Variants in DLGAP2 observed in about 807,000 individuals in gnomAD.
DLGAP2 encodes the protein DLG associated protein 2, also known as disks large-associated protein 2.
Under a neutral mutation model 100.3 loss-of-function variants are expected in DLGAP2, and 26 were observed. That is an observed-to-expected ratio of 0.26 (90% CI 0.19 to 0.36). DLGAP2 has a LOEUF of 0.36. DLGAP2 is among the 10% of genes least tolerant of loss of function. The pLI is 1.00. For missense variants in DLGAP2, 1,858 were observed against 1,453.2 expected (o/e 1.28, Z -4.53); for synonymous variants, 886 against 630.1 (o/e 1.41, Z -6.08).
intron 2 of DLGAP2, among the ~76,000 whole-genome samples, chr8:967,200 C>T (rs969477708): frequency 6.6e-6 from 1 of 152,256 alleles, no homozygotes. Flanking sequence ...ACACTGTACA[C>T]GTTTAAACAC....
At chr8:1,696,967 C>T (rs1799413442) in intron 13 of DLGAP2, among the ~76,000 whole-genome samples, 180 bp from the exon 14 acceptor site, 1 of 152,340 alleles carries the variant, frequency 6.6e-6, no homozygotes, top group African/African-American at 2.4e-5. Context: ...ACAGCAAATA[C>T]GTGTGCTAAA....
rs1229117527 is a variant in DLGAP2, at chr8:1,185,196, C to G, written c.74-73655C>G. ...CTGTTCATTTTTATTCCATTTGTTC[C>G]TCTCCAGGGCTCCACAGAAAGGTGG... On this transcript the variant is annotated intron_variant, in intron 2 of 14. Transcript: ENST00000637795. Among the ~76,000 whole-genome samples the G allele has an allele frequency of 3.9e-5, 6 of 152,212 alleles. No homozygotes were observed. In the East Asian group the frequency reaches 7.7e-4, roughly 20 times the overall value.
intron 2 of DLGAP2, among the ~76,000 whole-genome samples, chr8:1,033,877 C>T (rs1232596240): frequency 3.3e-4 from 39 of 117,896 alleles, no homozygotes; most frequent in African/African-American, 1.1e-3. Flanking sequence ...AGCCTCATCC[C>T]GACCCCGCGT....
At chr8:840,358 C>CGT (rs1796957932) in intron 1 of DLGAP2, among the ~76,000 whole-genome samples, 1 of 125,288 alleles carries the variant, frequency 8.0e-6, no homozygotes, top group Non-Finnish European at 1.7e-5. Context: ...CGCGTCTACA[C>CGT]GGTGCACGCC....
intron 1 of DLGAP2, among the ~76,000 whole-genome samples, chr8:747,096 G>C (rs570073965): frequency 6.6e-6 from 1 of 152,090 alleles, no homozygotes; most frequent in East Asian, 1.9e-4. Context: ...TGGTTCTCGG[G>C]GGGCTGGGGA....
At chr8:738,054 T>G in intron 1 of DLGAP2, 3 of 268,478 alleles carry the variant, frequency 1.1e-5, no homozygotes, top group Non-Finnish European at 1.4e-5. Flanking sequence ...CGCGCATCCC[T>G]GGCCGCGCTC....
intron 3 of DLGAP2, among the ~76,000 whole-genome samples, chr8:1,423,390 G>C (rs537012044): frequency 4.4e-4 from 67 of 152,270 alleles, no homozygotes; most frequent in African/African-American, 1.4e-3. Context: ...GAGGGGTCTG[G>C]ACTGGAGTTT....
At chr8:999,202 C>T (rs1359629388) in intron 2 of DLGAP2, among the ~76,000 whole-genome samples, 4 of 151,908 alleles carry the variant, frequency 2.6e-5, no homozygotes, top group Non-Finnish European at 1.5e-5. Context: ...GCCAGAGATA[C>T]TTTCTCCTCC....
intron 2 of DLGAP2, among the ~76,000 whole-genome samples, chr8:1,202,899 C>G (rs1179354156): frequency 1.3e-5 from 2 of 152,256 alleles, no homozygotes; most frequent in Non-Finnish European, 2.9e-5. Flanking sequence ...AGCCACGCCT[C>G]TTCAAGGCGC....
At chr8:1,193,940 A>G (rs1402616803) in intron 2 of DLGAP2, among the ~76,000 whole-genome samples, 3 of 152,058 alleles carry the variant, frequency 2.0e-5, no homozygotes, top group Non-Finnish European at 4.4e-5. Flanking sequence ...CGTTCTCAGT[A>G]ATTTAAGGTC....
At chr8:1,063,155 G>A (rs944491263) in intron 2 of DLGAP2, among the ~76,000 whole-genome samples, 1 of 152,202 alleles carries the variant, frequency 6.6e-6, no homozygotes, top group African/African-American at 2.4e-5. Context: ...AGAAAAGAGG[G>A]AAGATGTTTG....
chr8:1,039,272 G>A (rs922354202), intron 2 of DLGAP2, among the ~76,000 whole-genome samples: 14 of 135,682 alleles, frequency 1.0e-4, no homozygotes, highest in Non-Finnish European at 1.5e-4. Flanking sequence ...TTCCATGGTC[G>A]GCTCGGTTTC....
intron 3 of DLGAP2, among the ~76,000 whole-genome samples, chr8:1,350,720 A>C (rs1399039851): frequency 1.1e-5 from 1 of 93,946 alleles, no homozygotes; most frequent in Non-Finnish European, 2.1e-5. Context: ...GTGCGTGGAA[A>C]GGCCGTGCGG....
chr8:1,669,505 G>C (rs983965862), intron 9 of DLGAP2, among the ~76,000 whole-genome samples: 1 of 152,224 alleles, frequency 6.6e-6, no homozygotes, highest in African/African-American at 2.4e-5. Flanking sequence ...CTGCCAACAC[G>C]GCCCACCTCC....
intron 3 of DLGAP2, among the ~76,000 whole-genome samples, chr8:1,260,779 G>T (rs1246925448): frequency 6.6e-6 from 1 of 152,226 alleles, no homozygotes; most frequent in Non-Finnish European, 1.5e-5. Flanking sequence ...GACTCTAGAG[G>T]GGACCTTGGC....
At chr8:1,520,503 G>A (rs988229612) in intron 4 of DLGAP2, among the ~76,000 whole-genome samples, 1 of 152,116 alleles carries the variant, frequency 6.6e-6, no homozygotes, top group Admixed American at 6.5e-5. Context: ...GGGTTTGGAC[G>A]AGTGTTTAAT....
At chr8:901,246 C>A (rs970892375) in intron 1 of DLGAP2, among the ~76,000 whole-genome samples, 1 of 152,176 alleles carries the variant, frequency 6.6e-6, no homozygotes, top group African/African-American at 2.4e-5. Flanking sequence ...GAGCTATGAT[C>A]GCACCATTGC....
intron 2 of DLGAP2, among the ~76,000 whole-genome samples, chr8:942,543 G>A (rs1563105690): frequency 1.3e-5 from 2 of 152,232 alleles, no homozygotes; most frequent in Admixed American, 1.3e-4. Flanking sequence ...AAACTCCATA[G>A]ATGACTTTTA....
chr8:997,761 G>A (rs1279873530), intron 2 of DLGAP2, among the ~76,000 whole-genome samples: 5 of 152,106 alleles, frequency 3.3e-5, no homozygotes, highest in Admixed American at 1.3e-4. Flanking sequence ...CTATTCCTGC[G>A]TTTTCTCGTG....
Sources: gnomAD v4.1 joint callset for allele counts (sites outside exome capture counted in the v4.1 genomes callset) on GRCh38, gnomAD v4.1.1 for gene constraint, MANE v1.5 for transcripts, NCBI Gene and HGNC (gene_info 2026-07-23, HGNC 2026-07-21) for gene names.